Variants in CSMD1 observed in about 807,000 individuals in gnomAD.
The protein encoded by CSMD1 is CUB and sushi domain-containing protein 1.
A neutral mutation model predicts 417.5 loss-of-function variants in CSMD1; 213 were observed. The observed-to-expected ratio is 0.51, with a 90% confidence interval of 0.46 to 0.57. The LOEUF (loss-of-function observed/expected upper bound fraction) is 0.57, where lower values mean the gene tolerates loss of function less well. CSMD1 is among the 20% of genes least tolerant of loss of function. The pLI is 0.00. For synonymous variants in CSMD1, 2,862 were observed against 1,736.8 expected, an observed-to-expected ratio of 1.65 and a Z score of -16.11; for missense variants, 6,923 against 4,529.7, an observed-to-expected ratio of 1.53 and a Z score of -15.17.
At chr8:3,838,794 G>C (rs1300228384) in intron 5 of CSMD1, among the ~76,000 whole-genome samples, 1 of 105,154 alleles carries the variant, frequency 9.5e-6, no homozygotes, top group African/African-American at 4.1e-5. Flanking sequence ...ATATTATATA[G>C]TATAATATAT....
chr8:4,186,248 G>T (rs1393833144), intron 3 of CSMD1, among the ~76,000 whole-genome samples: 2 of 152,142 alleles, frequency 1.3e-5, no homozygotes, highest in Admixed American at 6.5e-5. Flanking sequence ...CATACTCACT[G>T]CAGCAGAGGG....
At chr8:3,351,955 C>T (rs1174965574) in intron 21 of CSMD1, among the ~76,000 whole-genome samples, 2 of 151,864 alleles carry the variant, frequency 1.3e-5, no homozygotes, top group African/African-American at 4.8e-5. Context: ...GAGTTAATAC[C>T]ATCCTACTGA....
chr8:3,491,748 C>G (rs901414473), intron 11 of CSMD1, among the ~76,000 whole-genome samples: 1 of 152,194 alleles, frequency 6.6e-6, no homozygotes, highest in Admixed American at 6.5e-5. Flanking sequence ...GTGAGTATAA[C>G]AGACTGCATC....
chr8:4,180,483 C>T (rs986876401), intron 3 of CSMD1, among the ~76,000 whole-genome samples: 5 of 150,718 alleles, frequency 3.3e-5, no homozygotes, highest in South Asian at 2.1e-4. Context: ...TGCTAAATGA[C>T]GAGTTAGTGG....
intron 5 of CSMD1, among the ~76,000 whole-genome samples, chr8:3,885,930 G>A (rs1170875707): frequency 1.3e-5 from 2 of 151,852 alleles, no homozygotes; most frequent in African/African-American, 4.8e-5. Flanking sequence ...AATATAAATT[G>A]TTAAAAGTTG....
chr8:4,173,795 G>C (rs1035589842), intron 3 of CSMD1, among the ~76,000 whole-genome samples: 1 of 152,024 alleles, frequency 6.6e-6, no homozygotes, highest in African/African-American at 2.4e-5. Context: ...AAAAGTTAGT[G>C]GTGAGGTGCG....
chr8:4,037,479 A>C (rs932796804), intron 3 of CSMD1, among the ~76,000 whole-genome samples: 1 of 152,182 alleles, frequency 6.6e-6, no homozygotes, highest in African/African-American at 2.4e-5. Flanking sequence ...TGTCTTCTCT[A>C]CAGATTTTTT....
chr8:4,303,301 A>G (rs1798077053), intron 3 of CSMD1, among the ~76,000 whole-genome samples: 1 of 152,176 alleles, frequency 6.6e-6, no homozygotes. Context: ...TTACTTAGTT[A>G]TAACCTGGCA....
chr8:3,432,098 A>C (rs889956030), intron 12 of CSMD1, among the ~76,000 whole-genome samples: 1 of 152,234 alleles, frequency 6.6e-6, no homozygotes, highest in Non-Finnish European at 1.5e-5. Context: ...CCCAGAACCC[A>C]GTTGGTAGTT....
At chr8:4,805,761 A>G (rs2118575) in intron 1 of CSMD1, among the ~76,000 whole-genome samples, 10,773 of 152,248 alleles carry the variant, frequency 0.071, 631 homozygotes, top group East Asian at 0.23. Context: ...ATATTCCATT[A>G]ATGAATACAG....
At position 4,032,237 on chromosome 8, in the gene CSMD1, A is replaced by G. The variant is rs147993363; in HGVS notation, c.416-138T>C. ...CATCAGAAAAATATTAATTGTTGCT[A>G]AAAAATAAACTGAGAAAATGTCTTC... On this transcript the variant is annotated intron_variant, in intron 3 of 69. Transcript: ENST00000635120. 2,432 of 619,234 alleles carry G rather than the reference A, an allele frequency of 3.9e-3. 40 individuals carry two copies. Among genetic ancestry groups the G allele is most frequent in the African/African-American group, 0.039 (2,101 of 54,146 alleles). The allele number at this position is 619,234 out of a possible 1,614,324, so 38.4% of individuals were successfully genotyped here. A position where few individuals can be genotyped will look rare whatever the true frequency, so the allele number is the denominator to read the frequency against.
intron 3 of CSMD1, among the ~76,000 whole-genome samples, chr8:4,090,903 G>A (rs944681463): frequency 1.3e-5 from 2 of 151,448 alleles, no homozygotes; most frequent in Middle Eastern, 3.4e-3. Flanking sequence ...AGTAACATAA[G>A]GGGCAGTCTT....
chr8:3,054,603 G>C (rs894496642), intron 49 of CSMD1, among the ~76,000 whole-genome samples: 13 of 148,458 alleles, frequency 8.8e-5, no homozygotes, highest in Non-Finnish European at 1.9e-4. Flanking sequence ...GGGTGATAGA[G>C]CAAGGCCCTG....
intron 6 of CSMD1, among the ~76,000 whole-genome samples, chr8:3,729,535 A>C (rs1354444596): frequency 6.6e-6 from 1 of 152,194 alleles, no homozygotes. Flanking sequence ...AGAGGAATCG[A>C]AGTGGGCCTT....
intron 3 of CSMD1, among the ~76,000 whole-genome samples, chr8:4,073,147 T>A (rs949630993): frequency 6.6e-6 from 1 of 152,308 alleles, no homozygotes; most frequent in East Asian, 1.9e-4. Context: ...TGAAAACTTT[T>A]GTGATTTCAC....
chr8:3,214,091 G>A (rs1328005575), intron 30 of CSMD1, among the ~76,000 whole-genome samples: 2 of 151,860 alleles, frequency 1.3e-5, no homozygotes, highest in East Asian at 1.9e-4. Flanking sequence ...CGATCCACTC[G>A]CCTCAGCCTC....
chr8:4,417,964 T>A (rs1265281364), intron 3 of CSMD1, among the ~76,000 whole-genome samples: 4 of 152,158 alleles, frequency 2.6e-5, no homozygotes, highest in Admixed American at 6.6e-5. Context: ...CTCTAGATTA[T>A]CTTACCTTAC....
At chr8:3,309,508 G>C (rs958416742) in intron 23 of CSMD1, among the ~76,000 whole-genome samples, 2 of 152,174 alleles carry the variant, frequency 1.3e-5, no homozygotes, top group African/African-American at 4.8e-5. Flanking sequence ...AGCTTCTGCA[G>C]TACTGAGAGC....
In CSMD1 at chr8:4,469,001, CTA is replaced by C. The variant is rs33936269; in HGVS notation, c.303-48938_303-48937del. The stretch of plus-strand genomic sequence containing the variant: ...GGGTATAGTTCTCTTATCAGAGACT[CTA>C]AAAGGAAAAAAAGTTCAAAAGACAA... On this transcript the variant is annotated intron_variant, in intron 2 of 69. Transcript: ENST00000635120. Among the ~76,000 whole-genome samples the C allele has an allele frequency of 7.8e-3, 1,179 of 152,078 alleles. 11 individuals are homozygous for C. The highest frequency in any genetic ancestry group is 0.027 in the African/African-American group (1,116 of 41,504).
Sources: gnomAD v4.1 joint callset for allele counts (sites outside exome capture counted in the v4.1 genomes callset) on GRCh38, gnomAD v4.1.1 for gene constraint, MANE v1.5 for transcripts, NCBI Gene and HGNC (gene_info 2026-07-23, HGNC 2026-07-21) for gene names.